The following EFHC1 variants were observed in gnomAD, a reference collection of about 807,000 sequenced individuals.
The protein encoded by EFHC1 is EF-hand domain-containing protein 1.
Under a neutral mutation model 69.9 loss-of-function variants are expected in EFHC1, and 53 were observed. The ratio of observed to expected loss-of-function variants is 0.76; its 90% CI spans 0.61 to 0.95. The LOEUF (loss-of-function observed/expected upper bound fraction) is 0.95. Among genes scored for constraint, EFHC1 ranks in the 40% least tolerant of loss-of-function variants. The pLI is 0.00. For missense variants in EFHC1, 739 were observed against 798.7 expected (o/e 0.93, Z 0.90); for synonymous variants, 256 against 278.4 (o/e 0.92, Z 0.80).
At position 52,496,672 on chromosome 6, in the gene EFHC1, C is replaced by T. The variant is rs1305259926; in HGVS notation, c.*4331C>T. 6.6e-6 allele frequency: 1 copy of T among 152,218 alleles called. No individual in the cohort carries two copies. The highest frequency in any genetic ancestry group is 1.9e-4 in the East Asian group (1 of 5,204). 9.4% of individuals were successfully genotyped at this position (152,218 alleles called of 1,614,324 possible). On this transcript the variant is annotated 3_prime_UTR_variant, in exon 11 of 11. Coordinates refer to ENST00000371068, the MANE Select transcript of EFHC1 (RefSeq NM_018100.4). Reference sequence around the variant, plus strand: ...ATGACTCCCCACAAAACATGAAACCCTTTTGACACAGATGCACAAAAAGAC... The same window carrying T: ...ATGACTCCCCACAAAACATGAAACCTTTTTGACACAGATGCACAAAAAGAC...
At chr6:52,454,036 A>G in intron 4 of EFHC1, 59 bp from the exon 5 acceptor site, 1 of 1,610,560 alleles carries the variant, frequency 6.2e-7, no homozygotes, top group Non-Finnish European at 8.5e-7. Flanking sequence ...TTGCCAAAGT[A>G]GCCAAGTTGA....
chr6:52,424,036 C>T lies in EFHC1; in HGVS notation c.154C>T (p.Leu52Phe). 1 of 1,614,154 alleles carries T rather than the reference C, an allele frequency of 6.2e-7. No homozygotes were observed. Among genetic ancestry groups the T allele is most frequent in the Non-Finnish European group, 8.5e-7 (1 of 1,180,034 alleles). Residue 52 changes from leucine to phenylalanine, a missense_variant, in exon 2 of 11, where the codon CTC becomes TTC. By Grantham distance (22) the Leu-to-Phe change is conservative. Transcript: ENST00000371068. Reference protein sequence around the residue: ...RPTVGIGGDRLQFNQLSQAEL... With the variant: ...RPTVGIGGDRFQFNQLSQAEL... ...AACAGTTGGGATAGGCGGAGACCGG[C>T]TCCAGTTCAACCAGCTGTCCCAGGC...
rs1305760182 is a variant in EFHC1, at chr6:52,452,714, G to A, written c.600G>A (p.Glu200=). ...TATTTTTAGAAAGCCAAGGAATTGA[G>A]TTAAATCCACCAGAGAAGATGGCTC... ...TQVFLESQGI[E]LNPPEKMALD... Residue 200 remains glutamate (E), a synonymous_variant, in exon 4 of 11, where the codon GAG becomes GAA. Coordinates refer to ENST00000371068, the MANE Select transcript of EFHC1 (RefSeq NM_018100.4). 3 of 1,614,176 alleles carry A rather than the reference G, an allele frequency of 1.9e-6. No individual in the cohort carries two copies. Among genetic ancestry groups the A allele is most frequent in the African/African-American group, 1.3e-5 (1 of 75,048 alleles).
At chr6:52,465,203 G>C in intron 6 of EFHC1, 88 bp downstream of exon 6, 1 of 1,136,014 alleles carries the variant, frequency 8.8e-7, no homozygotes, top group Non-Finnish European at 1.3e-6. Context: ...GCAAATATTC[G>C]ATAAATAATG....
chr6:52,462,386 A>G (rs1476156931), intron 5 of EFHC1, among the ~76,000 whole-genome samples: 2 of 151,962 alleles, frequency 1.3e-5, no homozygotes, highest in Non-Finnish European at 2.9e-5. Flanking sequence ...TTAGAAATCT[A>G]AAGAATTTAA....
intron 7 of EFHC1, among the ~76,000 whole-genome samples, chr6:52,476,567 G>T (rs1765549919): frequency 6.6e-6 from 1 of 152,138 alleles, no homozygotes; most frequent in Non-Finnish European, 1.5e-5. Context: ...AAGTGATCAA[G>T]GTCAGTGTTA....
At chr6:52,449,645 A>G (rs1764872160) in intron 3 of EFHC1, among the ~76,000 whole-genome samples, 1 of 152,122 alleles carries the variant, frequency 6.6e-6, no homozygotes, top group East Asian at 1.9e-4. Context: ...ATGGTTGCTT[A>G]TAATTCTGTG....
At chr6:52,486,339 A>G (rs192563826) in intron 9 of EFHC1, 1 of 152,316 alleles carries the variant, frequency 6.6e-6, no homozygotes, top group Admixed American at 6.5e-5. Flanking sequence ...TTTGAACTCA[A>G]GACTTAAGGC....
At chr6:52,490,600 A>G (rs1765879925) in intron 10 of EFHC1, 4 of 595,440 alleles carry the variant, frequency 6.7e-6, no homozygotes, top group Non-Finnish European at 1.2e-5. Flanking sequence ...GTAGACCAAC[A>G]TGTCAGGACT....
rs775690554 is a variant in EFHC1 at position 52,452,796 on chromosome 6, G to T, written c.682G>T (p.Asp228Tyr). The change falls in exon 4 of 11, where the codon GAC becomes TAC. Residue 228 changes from aspartate to tyrosine, a missense_variant. Asp to Tyr is a radical substitution (Grantham distance 160). Coordinates refer to ENST00000371068, the MANE Select transcript of EFHC1 (RefSeq NM_018100.4). ...TCTTCGTAAGTATGTCACCCCATCAGACTTTGATCAACTCAAGCAATTTCT... is the reference window on the plus strand; with the variant it reads ...TCTTCGTAAGTATGTCACCCCATCATACTTTGATCAACTCAAGCAATTTCT... Reference protein sequence around the residue: ...QPLRKYVTPSDFDQLKQFLTF... With the variant: ...QPLRKYVTPSYFDQLKQFLTF... 2.5e-6 allele frequency: 4 copies of T among 1,613,910 alleles called. No homozygotes were observed. Among genetic ancestry groups the T allele is most frequent in the Admixed American group, 1.7e-5 (1 of 59,998 alleles).
intron 1 of EFHC1, among the ~76,000 whole-genome samples, chr6:52,421,911 C>CA (rs1764198690): frequency 6.6e-6 from 1 of 152,128 alleles, no homozygotes; most frequent in Non-Finnish European, 1.5e-5. Flanking sequence ...GATGGAAGTG[C>CA]AAAGCTCTAA....
At chr6:52,472,131 A>G (rs1162545338) in intron 7 of EFHC1, among the ~76,000 whole-genome samples, 1 of 131,728 alleles carries the variant, frequency 7.6e-6, no homozygotes, top group Non-Finnish European at 1.6e-5. Flanking sequence ...CCTGAACCTA[A>G]AATAAAAGTT....
At chr6:52,453,423 AG>A (rs964774820) in intron 4 of EFHC1, 35 of 1,287,036 alleles carry the variant, frequency 2.7e-5, no homozygotes, top group Non-Finnish European at 3.5e-5. Context: ...TCTGTACTAA[AG>A]GGAGAAAGAA....
chr6:52,430,346 C>T (rs1038317723), intron 2 of EFHC1: 1 of 152,166 alleles, frequency 6.6e-6, no homozygotes, highest in Admixed American at 6.6e-5. Flanking sequence ...GGCTGTGGGT[C>T]TGTCATAGAT....
intron 2 of EFHC1, among the ~76,000 whole-genome samples, chr6:52,429,670 A>G (rs1246339465): frequency 6.6e-6 from 1 of 152,118 alleles, no homozygotes; most frequent in Non-Finnish European, 1.5e-5. Flanking sequence ...TGCTTTGGCT[A>G]TGCGGGCTCT....
intron 3 of EFHC1, among the ~76,000 whole-genome samples, chr6:52,445,448 C>A (rs976061865): frequency 2.0e-5 from 3 of 148,340 alleles, no homozygotes; most frequent in Admixed American, 6.7e-5. Context: ...GTCCCTCCCC[C>A]CTCCCCCTAC....
chr6:52,465,183 A>G (rs534707843), intron 6 of EFHC1, 68 bp downstream of exon 6: 11 of 1,333,498 alleles, frequency 8.2e-6, no homozygotes, highest in Middle Eastern at 1.8e-4. Flanking sequence ...TAAGAAAAAA[A>G]GACTTCTATG....
At chr6:52,475,378 T>C (rs9474227) in intron 7 of EFHC1, among the ~76,000 whole-genome samples, 12,850 of 152,250 alleles carry the variant, frequency 0.084, 595 homozygotes, top group East Asian at 0.16. Context: ...ACTAAGACAC[T>C]GGATGTGTTC....
At chr6:52,421,442 A>T (rs1226453833) in intron 1 of EFHC1, among the ~76,000 whole-genome samples, 3 of 149,762 alleles carry the variant, frequency 2.0e-5, no homozygotes, top group Admixed American at 6.6e-5. Context: ...TTTTTTTTTT[A>T]AACTCTTGCC....
Sources: gnomAD v4.1 joint callset for allele counts (sites outside exome capture counted in the v4.1 genomes callset) on GRCh38, gnomAD v4.1.1 for gene constraint, MANE v1.5 for transcripts, NCBI Gene and HGNC (gene_info 2026-07-23, HGNC 2026-07-21) for gene names.